The following CYP7B1 variants were observed in gnomAD, a reference collection of about 807,000 sequenced individuals.
CYP7B1 encodes cytochrome P450 7B1.
In CYP7B1, 29 loss-of-function variants were observed where a neutral mutation model predicts 42.7. The observed-to-expected ratio is 0.68, with a 90% CI of 0.51 to 0.93. CYP7B1 has a LOEUF of 0.93. Among genes scored for constraint, CYP7B1 ranks in the 40% least tolerant of loss-of-function variants. The pLI is 0.00. For synonymous variants in CYP7B1, 235 were observed against 218.2 expected (o/e 1.08, Z -0.68); for missense variants, 655 against 600.5 (o/e 1.09, Z -0.95).
chr8:64,784,063 T>C (rs1443018403), intron 1 of CYP7B1, among the ~76,000 whole-genome samples: 1 of 152,108 alleles, frequency 6.6e-6, no homozygotes, highest in East Asian at 1.9e-4. Context: ...AAAACAAATA[T>C]CAAGAAAACC....
At chr8:64,664,381 A>G (rs1489533829) in intron 1 of CYP7B1, among the ~76,000 whole-genome samples, 1 of 152,182 alleles carries the variant, frequency 6.6e-6, no homozygotes, top group East Asian at 1.9e-4. Context: ...GAACTCATTT[A>G]TGTCAGACAT....
chr8:64,639,957 G>T (rs1488210888), intron 1 of CYP7B1, among the ~76,000 whole-genome samples: 5 of 151,904 alleles, frequency 3.3e-5, no homozygotes, highest in Non-Finnish European at 7.4e-5. Context: ...AACTGGAAAA[G>T]AAAAGAAATG....
intron 1 of CYP7B1, among the ~76,000 whole-genome samples, chr8:64,753,331 G>A (rs1263354488): frequency 1.3e-5 from 2 of 151,950 alleles, no homozygotes; most frequent in Non-Finnish European, 2.9e-5. Context: ...CTTCTTTGTT[G>A]AGATCTGAAG....
chr8:64,719,378 G>C (rs1807204937), intron 1 of CYP7B1, among the ~76,000 whole-genome samples: 1 of 152,152 alleles, frequency 6.6e-6, no homozygotes, highest in Non-Finnish European at 1.5e-5. Context: ...GTATTATTAA[G>C]TTAATTGTCT....
At chr8:64,742,714 C>T (rs1202570266) in intron 1 of CYP7B1, among the ~76,000 whole-genome samples, 1 of 152,132 alleles carries the variant, frequency 6.6e-6, no homozygotes, top group African/African-American at 2.4e-5. Context: ...CCTCACCTGA[C>T]CTTTCCTCCA....
intron 1 of CYP7B1, among the ~76,000 whole-genome samples, chr8:64,775,094 T>G (rs1324988048): frequency 1.3e-5 from 2 of 152,166 alleles, no homozygotes; most frequent in Admixed American, 6.6e-5. Context: ...AGTTCCAATC[T>G]GATCTGAGTT....
chr8:64,610,070 T>C (rs1307431377), intron 4 of CYP7B1, among the ~76,000 whole-genome samples: 1 of 152,206 alleles, frequency 6.6e-6, no homozygotes, highest in Non-Finnish European at 1.5e-5. Context: ...CCTTTTCTGC[T>C]GAGTCACATG....
At chr8:64,672,750 T>C (rs1343794751) in intron 1 of CYP7B1, among the ~76,000 whole-genome samples, 3 of 152,078 alleles carry the variant, frequency 2.0e-5, no homozygotes, top group African/African-American at 7.2e-5. Flanking sequence ...AACGCTGACT[T>C]GCAATTTATG....
Position 64,660,217 on chromosome 8 carries a change from G to A in CYP7B1, c.123-35678C>T, listed in dbSNP as rs530133350. 1.1e-4 allele frequency among the ~76,000 whole-genome samples: 16 copies of A among 152,272 alleles called. No homozygotes were observed. The South Asian group carries it at 3.3e-3, about 32-fold the overall frequency. ...CCCATGGCTACTTAACTAAAACATG[G>A]TGCAGGCAGGGTTTTCATATATACA... is the stretch of plus-strand genomic sequence containing the variant. On this transcript the variant is annotated intron_variant, in intron 1 of 5. Coordinates refer to ENST00000310193, the MANE Select transcript of CYP7B1 (RefSeq NM_004820.5).
intron 1 of CYP7B1, among the ~76,000 whole-genome samples, chr8:64,729,897 T>C (rs937341178): frequency 1.4e-4 from 21 of 152,242 alleles, no homozygotes; most frequent in African/African-American, 4.8e-4. Context: ...TTCTCATTTA[T>C]GTTGGTAAAT....
chr8:64,663,160 G>A (rs1357432767), intron 1 of CYP7B1, among the ~76,000 whole-genome samples: 4 of 152,130 alleles, frequency 2.6e-5, no homozygotes, highest in Non-Finnish European at 4.4e-5. Flanking sequence ...CTTGCTAGAA[G>A]ATAACTGCTT....
At chr8:64,622,067 C>A (rs1045765349) in intron 2 of CYP7B1, among the ~76,000 whole-genome samples, 4 of 152,156 alleles carry the variant, frequency 2.6e-5, no homozygotes, top group African/African-American at 4.8e-5. Context: ...AGAACTCAAT[C>A]ATGCTGATAA....
intron 1 of CYP7B1, among the ~76,000 whole-genome samples, chr8:64,763,668 G>C (rs1037290950): frequency 6.6e-6 from 1 of 152,178 alleles, no homozygotes; most frequent in Non-Finnish European, 1.5e-5. Context: ...AACTCTTTTG[G>C]GTTGGGAGCA....
At position 64,609,500 on chromosome 8, in the gene CYP7B1, T is replaced by C. The variant is rs1388615513; in HGVS notation, c.1058-4643A>G. Among the ~76,000 whole-genome samples, 8 of 152,188 alleles carry C rather than the reference T, an allele frequency of 5.3e-5. No individual in the cohort carries two copies. The East Asian group carries it at 1.5e-3, about 29-fold the overall frequency. On this transcript the variant is annotated intron_variant, in intron 4 of 5. Transcript: ENST00000310193. The stretch of plus-strand genomic sequence containing the variant: ...TCCACATAACAACCCTTTCAAAGTA[T>C]GTAAAGACAACTATCATGCCATTTT...
intron 1 of CYP7B1, among the ~76,000 whole-genome samples, chr8:64,722,463 CCTTT>C (rs1450845620): frequency 6.6e-6 from 1 of 151,926 alleles, no homozygotes; most frequent in Non-Finnish European, 1.5e-5. Context: ...ATGATAAATA[CCTTT>C]CTAACTTTAG....
chr8:64,688,750 C>A (rs1255966278), intron 1 of CYP7B1, among the ~76,000 whole-genome samples: 3 of 151,814 alleles, frequency 2.0e-5, no homozygotes, highest in African/African-American at 4.8e-5. Flanking sequence ...CATAGGGAGA[C>A]CCTGTCTCTA....
At chr8:64,763,643 T>G (rs1807924525) in intron 1 of CYP7B1, among the ~76,000 whole-genome samples, 1 of 152,216 alleles carries the variant, frequency 6.6e-6, no homozygotes. Context: ...GGGGAAGGGC[T>G]TTCTAACAAC....
intron 1 of CYP7B1, among the ~76,000 whole-genome samples, chr8:64,631,510 A>G (rs534081882): frequency 5.1e-4 from 78 of 152,286 alleles, no homozygotes; most frequent in Admixed American, 2.7e-3. Flanking sequence ...TGGTCTTGGT[A>G]ATGATTTCAT....
At chr8:64,725,367 T>G (rs1239174436) in intron 1 of CYP7B1, among the ~76,000 whole-genome samples, 1 of 152,242 alleles carries the variant, frequency 6.6e-6, no homozygotes, top group Non-Finnish European at 1.5e-5. Context: ...TGCTTTATAC[T>G]TTTGGAGAAT....
Sources: gnomAD v4.1 joint callset for allele counts (sites outside exome capture counted in the v4.1 genomes callset) on GRCh38, gnomAD v4.1.1 for gene constraint, MANE v1.5 for transcripts, NCBI Gene and HGNC (gene_info 2026-07-23, HGNC 2026-07-21) for gene names.